The following MAF variants were observed in gnomAD, a reference collection of about 807,000 sequenced individuals.
MAF encodes MAF bZIP transcription factor.
MAF carries 10 observed loss-of-function variants against 22.0 expected under a neutral mutation model. The observed-to-expected ratio is 0.45, with a 90% CI of 0.28 to 0.77. The LOEUF (loss-of-function observed/expected upper bound fraction) is 0.77, where lower values mean the gene tolerates loss of function less well. Among genes scored for constraint, MAF ranks in the 30% least tolerant of loss-of-function variants. The pLI, the probability that MAF is intolerant of heterozygous loss-of-function variation, is 0.12. For missense variants in MAF, 544 were observed against 548.4 expected (o/e 0.99, Z 0.08); for synonymous variants, 337 against 255.8 (o/e 1.32, Z -3.03).
the MAF span, among the ~76,000 whole-genome samples, chr16:79,417,392 G>A: frequency 6.6e-6 from 1 of 152,208 alleles, no homozygotes; most frequent in Non-Finnish European, 1.5e-5. Context: ...ACTCCTGGCA[G>A]TATCTATCCC....
At chr16:79,435,157 T>C in the MAF span, among the ~76,000 whole-genome samples, 11 of 152,128 alleles carry the variant, frequency 7.2e-5, no homozygotes, top group Non-Finnish European at 1.3e-4. Flanking sequence ...GCAGTACACC[T>C]ATACCTATGC....
chr16:79,419,992 G>A, the MAF span, among the ~76,000 whole-genome samples: 1 of 147,248 alleles, frequency 6.8e-6, no homozygotes, highest in Non-Finnish European at 1.5e-5. Context: ...ATTTTTCAGA[G>A]GGTAACACAC....
chr16:79,577,063 T>C, the MAF span, among the ~76,000 whole-genome samples: 3 of 152,170 alleles, frequency 2.0e-5, no homozygotes, highest in Non-Finnish European at 4.4e-5. Context: ...GTTTTTTAAA[T>C]GGTCATAAAA....
chr16:79,411,639 A>G, the MAF span, among the ~76,000 whole-genome samples: 2 of 152,244 alleles, frequency 1.3e-5, no homozygotes, highest in African/African-American at 4.8e-5. Context: ...TACAAGATTT[A>G]GCTGTGTGAT....
chr16:79,402,037 G>C, the MAF span, among the ~76,000 whole-genome samples: 36,017 of 152,170 alleles, frequency 0.24, 5,325 homozygotes, highest in East Asian at 0.5. Context: ...CTACTAAGTG[G>C]CTAGAAACAT....
the MAF span, among the ~76,000 whole-genome samples, chr16:79,490,598 G>A: frequency 1.5e-5 from 2 of 136,578 alleles, no homozygotes; most frequent in East Asian, 2.2e-4. Context: ...AGAAGTATAT[G>A]CATGCACACA....
At chr16:79,520,174 T>A in the MAF span, among the ~76,000 whole-genome samples, 1 of 152,234 alleles carries the variant, frequency 6.6e-6, no homozygotes, top group African/African-American at 2.4e-5. Context: ...TCTTGCCAGC[T>A]GCTCATGTCT....
At chr16:79,528,799 CTTCT>C in the MAF span, among the ~76,000 whole-genome samples, 7 of 152,142 alleles carry the variant, frequency 4.6e-5, no homozygotes, top group African/African-American at 1.7e-4. Flanking sequence ...CTGTCTTTGG[CTTCT>C]TTATTTACAA....
At chr16:79,400,641 TCTC>T in the MAF span, among the ~76,000 whole-genome samples, 61 of 152,300 alleles carry the variant, frequency 4.0e-4, no homozygotes, top group African/African-American at 1.4e-3. Context: ...TGATCAAGCA[TCTC>T]CTGATTGGGA....
At chr16:79,375,373 A>T in the MAF span, among the ~76,000 whole-genome samples, 1 of 152,304 alleles carries the variant, frequency 6.6e-6, no homozygotes, top group East Asian at 1.9e-4. Flanking sequence ...CACATCTCAG[A>T]TGCCCAGATA....
chr16:79,489,993 G>A, the MAF span, among the ~76,000 whole-genome samples: 2 of 152,160 alleles, frequency 1.3e-5, no homozygotes, highest in Non-Finnish European at 2.9e-5. Context: ...ATGGAAAAAA[G>A]CTAACAAGGA....
At chr16:79,435,747 G>A in the MAF span, among the ~76,000 whole-genome samples, 1 of 152,168 alleles carries the variant, frequency 6.6e-6, no homozygotes, top group Non-Finnish European at 1.5e-5. Flanking sequence ...TTCACGCCGA[G>A]ATGTGCATTT....
the MAF span, among the ~76,000 whole-genome samples, chr16:79,492,476 A>T: frequency 1.9e-4 from 12 of 62,592 alleles, no homozygotes; most frequent in African/African-American, 3.2e-4. Context: ...TTCTATATAT[A>T]GCAAAAGAAA....
At chr16:79,277,254 C>G in the MAF span, among the ~76,000 whole-genome samples, 2 of 152,072 alleles carry the variant, frequency 1.3e-5, no homozygotes, top group Non-Finnish European at 2.9e-5. Flanking sequence ...CTGCAAAGAC[C>G]GCATTTCCAA....
the MAF span, among the ~76,000 whole-genome samples, chr16:79,416,637 A>T: frequency 8.5e-5 from 13 of 152,336 alleles, no homozygotes; most frequent in East Asian, 2.3e-3. Context: ...GAAAGGAAAG[A>T]CGTGACTCAG....
chr16:79,598,078 G>C, intron 1 of MAF: 1 of 1,042,412 alleles, frequency 9.6e-7, no homozygotes, highest in Non-Finnish European at 1.2e-6. Context: ...AACTCGGCAC[G>C]CTGCAAGTCT....
the MAF span, among the ~76,000 whole-genome samples, chr16:79,572,270 G>A: frequency 6.6e-6 from 1 of 152,096 alleles, no homozygotes; most frequent in Admixed American, 6.5e-5. Context: ...GTGTGTGGAG[G>A]GACGTGCCAG....
the MAF span, among the ~76,000 whole-genome samples, chr16:79,246,179 G>A: frequency 1.3e-5 from 2 of 151,866 alleles, no homozygotes; most frequent in Non-Finnish European, 2.9e-5. Flanking sequence ...CACATTCTGC[G>A]CATGTGCCCC....
chr16:79,349,557 G>T, the MAF span, among the ~76,000 whole-genome samples: 1 of 152,164 alleles, frequency 6.6e-6, no homozygotes, highest in Non-Finnish European at 1.5e-5. Flanking sequence ...ACACCAGACT[G>T]ACCTGGGTCT....
Sources: allele counts gnomAD v4.1 joint callset (sites outside exome capture counted in the v4.1 genomes callset), GRCh38; gene constraint gnomAD v4.1.1; transcripts MANE v1.5; gene names NCBI Gene and HGNC (gene_info 2026-07-23, HGNC 2026-07-21).